KAZN: variants seen among roughly 807,000 people sequenced by gnomAD.
The protein encoded by KAZN is kazrin.
KAZN carries 40 observed loss-of-function variants against 87.4 expected under a neutral mutation model. The ratio of observed to expected loss-of-function variants is 0.46; its 90% CI spans 0.36 to 0.60. The LOEUF (loss-of-function observed/expected upper bound fraction) is 0.60, where lower values mean the gene tolerates loss of function less well. KAZN is among the 20% of genes least tolerant of loss of function. The probability of loss-of-function intolerance (pLI) is 0.00; values close to 1 mark genes in which losing one functional copy is unlikely to be tolerated. For missense variants in KAZN, 898 were observed against 1,073.9 expected (o/e 0.84, Z 2.29); for synonymous variants, 466 against 458.3 (o/e 1.02, Z -0.22).
chr1:14,441,327 A>G (rs530677620), intron 2 of KAZN, among the ~76,000 whole-genome samples: 5 of 152,066 alleles, frequency 3.3e-5, no homozygotes, highest in African/African-American at 1.2e-4. Context: ...CATTAGCATT[A>G]TCTGGAACTG....
intron 13 of KAZN, among the ~76,000 whole-genome samples, chr1:15,108,248 A>T (rs1424029383): frequency 6.6e-6 from 1 of 152,156 alleles, no homozygotes; most frequent in Non-Finnish European, 1.5e-5. Context: ...TGGGGGTGGA[A>T]GGACACATTG....
chr1:14,609,584 A>G (rs940729342), intron 1 of KAZN, among the ~76,000 whole-genome samples: 5 of 152,222 alleles, frequency 3.3e-5, no homozygotes, highest in African/African-American at 4.8e-5. Context: ...TGGAACATCA[A>G]TTTACAGAGC....
At chr1:14,396,240 G>A (rs2101112139) in intron 2 of KAZN, among the ~76,000 whole-genome samples, 1 of 151,364 alleles carries the variant, frequency 6.6e-6, no homozygotes, top group African/African-American at 2.4e-5. Flanking sequence ...GGTCTGCACT[G>A]AATGTGGGCC....
intron 2 of KAZN, among the ~76,000 whole-genome samples, chr1:14,237,910 GTTC>G (rs1425861599): frequency 7.2e-5 from 11 of 152,326 alleles, no homozygotes; most frequent in Admixed American, 2.0e-4. Context: ...ACCCTAGAGA[GTTC>G]TTCTTCCAAT....
At chr1:14,865,051 C>A (rs978553777) in intron 1 of KAZN, among the ~76,000 whole-genome samples, 1 of 152,210 alleles carries the variant, frequency 6.6e-6, no homozygotes, top group South Asian at 2.1e-4. Flanking sequence ...TCAATGAGAT[C>A]TTTCCCCGTC....
At chr1:14,989,227 G>A (rs1572995593) in intron 2 of KAZN, among the ~76,000 whole-genome samples, 1 of 152,230 alleles carries the variant, frequency 6.6e-6, no homozygotes, top group African/African-American at 2.4e-5. Context: ...TGTAATCCCA[G>A]CACTTTGGGA....
At chr1:14,141,253 AC>A (rs35965062) in intron 1 of KAZN, among the ~76,000 whole-genome samples, 66,523 of 137,468 alleles carry the variant, frequency 0.48, 16,638 homozygotes, top group East Asian at 0.63. Flanking sequence ...AAAAAAAAAA[AC>A]AAAACTAAAA....
At position 14,260,044 on chromosome 1, in the gene KAZN, T is replaced by C. The variant is rs570168875; in HGVS notation, c.249+79452T>C. Among the ~76,000 whole-genome samples, 6 of 152,270 alleles carry C rather than the reference T, an allele frequency of 3.9e-5. No homozygotes were observed. The East Asian group carries it at 1.2e-3, about 29-fold the overall frequency. On this transcript the variant is annotated intron_variant, in intron 2 of 16. Coordinates refer to the KAZN transcript ENST00000636203. The stretch of plus-strand genomic sequence containing the variant: ...TTCTGAGTTGGCTGTTATCACCGTT[T>C]TCAATTTCTACACTCCTGAAGTCGG...
At chr1:14,190,980 G>T (rs1363824530) in intron 2 of KAZN, among the ~76,000 whole-genome samples, 2 of 152,196 alleles carry the variant, frequency 1.3e-5, no homozygotes, top group Admixed American at 1.3e-4. Flanking sequence ...TGAAAGGGGA[G>T]CTGGAAAGTG....
At chr1:14,550,552 G>A (rs1453652201) in intron 2 of KAZN, among the ~76,000 whole-genome samples, 1 of 151,934 alleles carries the variant, frequency 6.6e-6, no homozygotes, top group African/African-American at 2.4e-5. Context: ...TTCTTCCCAG[G>A]GTGCCAGAGC....
intron 1 of KAZN, among the ~76,000 whole-genome samples, chr1:13,911,044 T>C (rs113928640): frequency 1.4e-3 from 208 of 151,966 alleles, no homozygotes; most frequent in African/African-American, 4.7e-3. Context: ...GCACACACTT[T>C]TGTTTTGTTT....
At chr1:14,101,375 T>C (rs1644245972) in intron 1 of KAZN, among the ~76,000 whole-genome samples, 1 of 152,238 alleles carries the variant, frequency 6.6e-6, no homozygotes, top group African/African-American at 2.4e-5. Flanking sequence ...AATACTGTTT[T>C]TATCTCCTTT....
intron 1 of KAZN, among the ~76,000 whole-genome samples, chr1:14,862,105 T>C (rs1427750093): frequency 6.6e-6 from 1 of 152,192 alleles, no homozygotes; most frequent in Admixed American, 6.5e-5. Context: ...GATGGACACC[T>C]GAAGGATAAA....
At chr1:15,044,836 T>C (rs6704367) in intron 4 of KAZN, among the ~76,000 whole-genome samples, 13,191 of 152,274 alleles carry the variant, frequency 0.087, 677 homozygotes, top group African/African-American at 0.14. Flanking sequence ...ATGTTCATTC[T>C]CTCAGAGTGG....
chr1:14,797,250 G>A (rs958044710), intron 1 of KAZN, among the ~76,000 whole-genome samples: 4 of 151,930 alleles, frequency 2.6e-5, no homozygotes, highest in African/African-American at 4.8e-5. Context: ...TAGTAGAGAC[G>A]GGGTTTCACC....
intron 2 of KAZN, among the ~76,000 whole-genome samples, chr1:14,391,130 A>G (rs976033484): frequency 2.0e-5 from 3 of 152,164 alleles, no homozygotes; most frequent in African/African-American, 2.4e-5. Flanking sequence ...GGAGGCAATT[A>G]TAATACCCAG....
At chr1:14,317,321 T>C (rs1655718788) in intron 2 of KAZN, among the ~76,000 whole-genome samples, 1 of 151,976 alleles carries the variant, frequency 6.6e-6, no homozygotes, top group Admixed American at 6.6e-5. Flanking sequence ...CCTATTTCAT[T>C]GATGTCAATA....
At chr1:14,720,620 C>T (rs1643045488) in intron 1 of KAZN, among the ~76,000 whole-genome samples, 1 of 152,204 alleles carries the variant, frequency 6.6e-6, no homozygotes, top group Non-Finnish European at 1.5e-5. Flanking sequence ...TCTGTGCAAT[C>T]TTCTTTTCCA....
intron 2 of KAZN, among the ~76,000 whole-genome samples, chr1:14,414,438 A>G (rs554727115): frequency 1.3e-5 from 2 of 152,112 alleles, no homozygotes; most frequent in South Asian, 4.1e-4. Flanking sequence ...CTTGTAGTGT[A>G]CTCACATAAT....
Sources: gnomAD v4.1 joint callset for allele counts (sites outside exome capture counted in the v4.1 genomes callset) on GRCh38, gnomAD v4.1.1 for gene constraint, MANE v1.5 for transcripts, NCBI Gene and HGNC (gene_info 2026-07-23, HGNC 2026-07-21) for gene names.